RPS6KA4: variants seen among roughly 807,000 people sequenced by gnomAD.
The protein encoded by RPS6KA4 is ribosomal protein S6 kinase A4.
Under a neutral mutation model 89.6 loss-of-function variants are expected in RPS6KA4, and 38 were observed. The observed-to-expected ratio is 0.42, with a 90% CI of 0.33 to 0.56. RPS6KA4 has a LOEUF of 0.56. RPS6KA4 is among the 20% of genes least tolerant of loss of function. The pLI is 0.07. For synonymous variants in RPS6KA4, 495 were observed against 492.8 expected, an observed-to-expected ratio of 1.00 and a Z score of -0.06; for missense variants, 873 against 1,098.8, an observed-to-expected ratio of 0.79 and a Z score of 2.90.
Position 64,361,397 on chromosome 11 carries a change from ACT to A in RPS6KA4, c.571-69_571-68del. ...CAACCTCACAAGTTGAGCGAGTCTT[ACT>A]CTGGGCCTTGTGGGGCACTGGGGCA... On this transcript the variant is annotated intron_variant, in intron 5 of 16. Coordinates refer to ENST00000334205, the MANE Select transcript of RPS6KA4 (RefSeq NM_003942.3). This position sits in a 1 kb window ranked among gnomAD's most constrained non-coding sequence, Gnocchi z 4.7. 6.4e-7 allele frequency: 1 copy of A among 1,559,792 alleles called. No individual in the cohort carries two copies. The highest frequency in any genetic ancestry group is 8.8e-7 in the Non-Finnish European group (1 of 1,134,186).
intron 8 of RPS6KA4, among the ~76,000 whole-genome samples, chr11:64,365,083 AACTG>A (rs1289612301): frequency 6.6e-6 from 1 of 152,038 alleles, no homozygotes; most frequent in Non-Finnish European, 1.5e-5. Context: ...AAAGTTCCAG[AACTG>A]ACTAAGTGTG....
intron 4 of RPS6KA4, 180 bp downstream of exon 4, chr11:64,360,772 G>T: frequency 3.3e-6 from 2 of 614,612 alleles, no homozygotes; most frequent in Non-Finnish European, 5.6e-6. Flanking sequence ...ACGTTGCCTG[G>T]TGGGGTCCCC....
intron 4 of RPS6KA4, 178 bp from the exon 5 acceptor site, chr11:64,360,956 C>A: frequency 3.4e-6 from 2 of 584,586 alleles, no homozygotes; most frequent in Non-Finnish European, 6.0e-6. Context: ...ACGGGGCCCT[C>A]CTTCTTTGTT....
At chr11:64,365,255 C>G (rs747345382) in intron 8 of RPS6KA4, 46 bp from the exon 9 acceptor site, 22 of 1,586,022 alleles carry the variant, frequency 1.4e-5, no homozygotes, top group Non-Finnish European at 1.7e-5. Context: ...GAGGGAGTTT[C>G]TCGTTCCTGG....
At position 64,361,982 on chromosome 11, in the gene RPS6KA4, C is replaced by G; in HGVS notation, c.886C>G (p.Arg296Gly). 1 of 1,610,198 alleles carries G rather than the reference C, an allele frequency of 6.2e-7. No homozygotes were observed. Among genetic ancestry groups the G allele is most frequent in the Non-Finnish European group, 8.5e-7 (1 of 1,178,904 alleles). The change falls in exon 8 of 17, where the codon CGG (arginine) becomes GGG (glycine). Residue 296 changes from arginine (R) to glycine (G), a missense_variant. Coordinates refer to ENST00000334205, the MANE Select transcript of RPS6KA4 (RefSeq NM_003942.3). The surrounding 1 kb of genome is among the most constrained non-coding windows in gnomAD (Gnocchi z 4.7). ...GAGPQGAQEVRNHPFFQGLDW... is the reference protein window; with the variant it reads ...GAGPQGAQEVGNHPFFQGLDW... ...GGGGCCCCAGGGGGCACAAGAAGTC[C>G]GGAACCATCCCTTCTTCCAGGTGAG...
At position 64,370,458 on chromosome 11, in the gene RPS6KA4, T is replaced by C. The variant is rs1356016725; in HGVS notation, c.1957+74T>C. On this transcript the variant is annotated intron_variant, in intron 15 of 16. Transcript: ENST00000334205. The surrounding 1 kb of genome is among the most constrained non-coding windows in gnomAD (Gnocchi z 4.1). ...ACAGGGATGGTCACTGGGCCAGGTG[T>C]CCTGGTTGGGGATGGGTAGGGGAGG... 2 of 1,605,192 alleles carry C rather than the reference T, an allele frequency of 1.2e-6. No homozygotes were observed. The highest frequency in any genetic ancestry group is 3.5e-5 in the Admixed American group (2 of 57,784).
Position 64,368,580 on chromosome 11 carries a change from C to T in RPS6KA4, c.1313C>T (p.Ala438Val). Residue 438 changes from alanine to valine, a missense_variant, in exon 11 of 17, where the codon GCA becomes GTA. Physicochemically the swap from Ala to Val is moderately conservative, Grantham distance 64. This residue lies in a region of RPS6KA4 where 542 missense variants were observed against 736.4 expected (regional missense o/e 0.74). Transcript: ENST00000334205. ...CAGCGCCAGAGCGGCCAGGAGTTCGCAGTCAAGATCCTCAGTCGCAGGTGG... is the reference window on the plus strand; with the variant it reads ...CAGCGCCAGAGCGGCCAGGAGTTCGTAGTCAAGATCCTCAGTCGCAGGTGG... ...CRQRQSGQEFAVKILSRRLEA... is the reference protein window; with the variant it reads ...CRQRQSGQEFVVKILSRRLEA... 1.2e-6 allele frequency: 2 copies of T among 1,600,642 alleles called. No homozygotes were observed.
Position 64,370,376 on chromosome 11 carries a change from T to C in RPS6KA4, c.1949T>C (p.Leu650Pro). The stretch of plus-strand genomic sequence containing the variant: ...GGTGTATCCGAGGAAGCCAAGGAGC[T>C]GGTCCGAGGTGCGGAGCTGGAGGTC... ...WQGVSEEAKE[L>P]VRGLLTVDPA... Residue 650 changes from leucine to proline, a missense_variant, in exon 15 of 17, where the codon CTG becomes CCG. By Grantham distance (98) the Leu-to-Pro change is moderately conservative (BLOSUM62 -3). Coordinates refer to ENST00000334205, the MANE Select transcript of RPS6KA4 (RefSeq NM_003942.3). The surrounding 1 kb of genome is among the most constrained non-coding windows in gnomAD (Gnocchi z 4.1). The C allele has an allele frequency of 1.2e-6, 2 of 1,609,628 alleles. No homozygotes were observed. Among genetic ancestry groups the C allele is most frequent in the Non-Finnish European group, 1.7e-6 (2 of 1,178,616 alleles).
Position 64,360,519 on chromosome 11 carries a change from G to T in RPS6KA4, c.389G>T (p.Arg130Leu). ...GAGATGTTCACCCACCTCTACCAGC[G>T]CCAGTACTTCAAGGAGGCTGAGGTG... ...GGEMFTHLYQRQYFKEAEVRV... is the reference protein window; with the variant it reads ...GGEMFTHLYQLQYFKEAEVRV... Residue 130 changes from arginine to leucine, a missense_variant, in exon 4 of 17, where the codon CGC becomes CTC. This residue lies in a region of RPS6KA4 where 542 missense variants were observed against 736.4 expected (regional missense o/e 0.74). Transcript: ENST00000334205. The T allele has an allele frequency of 6.2e-7, 1 of 1,612,234 alleles. No individual in the cohort carries two copies. The highest frequency in any genetic ancestry group is 1.3e-5 in the African/African-American group (1 of 75,026).
In RPS6KA4 at chr11:64,360,279, A is replaced by G; in HGVS notation, c.244A>G (p.Thr82Ala). Residue 82 changes from threonine to alanine, a missense_variant, in exon 3 of 17, where the codon ACG (threonine) becomes GCG (alanine). Coordinates refer to ENST00000334205, the MANE Select transcript of RPS6KA4 (RefSeq NM_003942.3). ...LVQRAKTQEH[T>A]RTERSVLELV... is the part of the protein sequence containing the mutation. ...GCAGCGCGCCAAGACGCAAGAGCAC[A>G]CGCGCACCGAGCGCTCGGTGCTGGA... is the stretch of plus-strand genomic sequence containing the variant. 6.5e-7 allele frequency: 1 copy of G among 1,547,422 alleles called. No homozygotes were observed. The highest frequency in any genetic ancestry group is 8.7e-7 in the Non-Finnish European group (1 of 1,146,076).
At chr11:64,360,413 G>A (rs2036712644) in intron 3 of RPS6KA4, 32 bp downstream of exon 3, 1 of 1,565,680 alleles carries the variant, frequency 6.4e-7, no homozygotes, top group Non-Finnish European at 8.7e-7. Flanking sequence ...ACGGGGTTGG[G>A]GTGGCTGGGG....
chr11:64,370,099 C>G lies in RPS6KA4; in HGVS notation c.1798-126C>G, dbSNP rs2037017802. 1 of 1,194,210 alleles carries G rather than the reference C, an allele frequency of 8.4e-7. No individual in the cohort carries two copies. 74.0% of individuals were successfully genotyped at this position (1,194,210 alleles called of 1,614,324 possible). On this transcript the variant is annotated intron_variant, in intron 14 of 16. Transcript: ENST00000334205. This position sits in a 1 kb window ranked among gnomAD's most constrained non-coding sequence, Gnocchi z 4.1. ...CATCCGGGTATTGGGGGTTAGAAGT[C>G]AGGGTTCACCACGCGTGGGTCTCAG...
At chr11:64,369,418 T>C in intron 12 of RPS6KA4, 28 bp from the exon 13 acceptor site, 2 of 1,556,814 alleles carry the variant, frequency 1.3e-6, no homozygotes, top group Non-Finnish European at 1.7e-6. Flanking sequence ...GGGTGGGTGT[T>C]GACCTTGGCC....
intron 8 of RPS6KA4, among the ~76,000 whole-genome samples, chr11:64,364,007 T>A (rs2036817663): frequency 6.6e-6 from 1 of 152,196 alleles, no homozygotes; most frequent in Admixed American, 6.5e-5. Flanking sequence ...AGTAAACCTT[T>A]TATTATACTT....
chr11:64,364,069 G>A (rs2036819143), intron 8 of RPS6KA4, among the ~76,000 whole-genome samples: 1 of 151,292 alleles, frequency 6.6e-6, no homozygotes, highest in South Asian at 2.1e-4. Context: ...AAGAAGTCCA[G>A]ATTAGCAGAC....
In RPS6KA4 at chr11:64,361,884, C is replaced by T. The variant is rs2036762984; in HGVS notation, c.788C>T (p.Pro263Leu). The change falls in exon 8 of 17, where the codon CCT becomes CTT. Residue 263 changes from proline to leucine, a missense_variant. By Grantham distance (98) the Pro-to-Leu change is moderately conservative. Coordinates refer to ENST00000334205, the MANE Select transcript of RPS6KA4 (RefSeq NM_003942.3). This position sits in a 1 kb window ranked among gnomAD's most constrained non-coding sequence, Gnocchi z 4.7. ...CTGAAGTGCTCCCCTCCCTTCCCCC[C>T]TCGGATCGGGCCCGTGGCGCAGGAC... is the stretch of plus-strand genomic sequence containing the variant. Reference protein sequence around the residue: ...RILKCSPPFPPRIGPVAQDLL... With the variant: ...RILKCSPPFPLRIGPVAQDLL... The T allele has an allele frequency of 6.2e-6, 10 of 1,612,920 alleles. No individual in the cohort carries two copies. The highest frequency in any genetic ancestry group is 1.6e-4 in the Middle Eastern group (1 of 6,080).
In RPS6KA4 at chr11:64,361,606, G is replaced by T; in HGVS notation, c.652-36G>T. ...GTGGAAAGGTGGGGTGTGAGGCAGG[G>T]GAGATGCAGGCCCTCACCCCGGCTC... is the stretch of plus-strand genomic sequence containing the variant. On this transcript the variant is annotated intron_variant, in intron 6 of 16. Coordinates refer to ENST00000334205, the MANE Select transcript of RPS6KA4 (RefSeq NM_003942.3). This position sits in a 1 kb window ranked among gnomAD's most constrained non-coding sequence, Gnocchi z 4.7. The T allele has an allele frequency of 1.9e-6, 3 of 1,613,368 alleles. No individual in the cohort carries two copies. Among genetic ancestry groups the T allele is most frequent in the Non-Finnish European group, 2.5e-6 (3 of 1,179,646 alleles).
chr11:64,365,569 T>A, intron 9 of RPS6KA4, 104 bp downstream of exon 9: 2 of 1,311,976 alleles, frequency 1.5e-6, no homozygotes, highest in Non-Finnish European at 2.1e-6. Flanking sequence ...GTGTCCTGAT[T>A]GGGACTCAGC....
At position 64,365,281 on chromosome 11, in the gene RPS6KA4, C is replaced by A. The variant is rs1332721016; in HGVS notation, c.907-20C>A. ...TCGTTCCTGGCCTTTGACACCTGAC[C>A]TCTGATTCCCTTCCCTCAGGGCCTC... is the stretch of plus-strand genomic sequence containing the variant. On this transcript the variant is annotated intron_variant, in intron 8 of 16. Coordinates refer to ENST00000334205, the MANE Select transcript of RPS6KA4 (RefSeq NM_003942.3). The A allele has an allele frequency of 2.9e-5, 47 of 1,608,138 alleles. No individual in the cohort carries two copies. Among genetic ancestry groups the A allele is most frequent in the Admixed American group, 5.0e-5 (3 of 59,750 alleles).
Sources: gnomAD v4.1 joint callset for allele counts (sites outside exome capture counted in the v4.1 genomes callset) on GRCh38, gnomAD v4.1.1 for gene constraint, gnomAD v4.1.1 regional missense constraint, Gnocchi (gnomAD v3.1) non-coding constraint, MANE v1.5 for transcripts, NCBI Gene and HGNC (gene_info 2026-07-23, HGNC 2026-07-21) for gene names.